TRAT1: variants seen among roughly 807,000 people sequenced by gnomAD.
TRAT1 encodes the protein T-cell receptor-associated transmembrane adapter 1.
A neutral mutation model predicts 20.0 loss-of-function variants in TRAT1; 20 were observed. The observed-to-expected ratio is 1.00, with a 90% CI of 0.70 to 1.45. The LOEUF is 1.45. TRAT1 is among the 40% of genes most tolerant of loss of function. The pLI is 0.00. For missense variants in TRAT1, 237 were observed against 224.1 expected (o/e 1.06, Z -0.37); for synonymous variants, 77 against 74.2 (o/e 1.04, Z -0.20).
chr3:108,852,291 G>A (rs953417207), intron 5 of TRAT1, among the ~76,000 whole-genome samples: 1 of 152,148 alleles, frequency 6.6e-6, no homozygotes, highest in Non-Finnish European at 1.5e-5. Context: ...TGAGGCAGGA[G>A]AATCACTTGA....
At chr3:108,829,874 A>G (rs538237550) in intron 1 of TRAT1, among the ~76,000 whole-genome samples, 6 of 152,326 alleles carry the variant, frequency 3.9e-5, no homozygotes, top group African/African-American at 1.4e-4. Context: ...TGTATTTACT[A>G]TACTATGCTT....
Position 108,854,046 on chromosome 3 carries a change from T to G in TRAT1, c.*169T>G. 1 of 570,376 alleles carries G rather than the reference T, an allele frequency of 1.8e-6. No homozygotes were observed. The allele number at this position is 570,376 out of a possible 1,614,324, so 35.3% of individuals were successfully genotyped here. Reference sequence around the variant, plus strand: ...ACAGCTTACACTTATGCATGCCAAATGTAAGGCCATGAAAATCAGTATTTC... The same window carrying G: ...ACAGCTTACACTTATGCATGCCAAAGGTAAGGCCATGAAAATCAGTATTTC... On this transcript the variant is annotated 3_prime_UTR_variant, in exon 6 of 6. Coordinates refer to ENST00000295756, the MANE Select transcript of TRAT1 (RefSeq NM_016388.4).
At chr3:108,845,399 G>C (rs1945933786) in intron 3 of TRAT1, among the ~76,000 whole-genome samples, 1 of 152,184 alleles carries the variant, frequency 6.6e-6, no homozygotes, top group Non-Finnish European at 1.5e-5. Context: ...TGGATGGATT[G>C]TCTTATTAAA....
At chr3:108,822,975 A>G (rs1298010710) in intron 1 of TRAT1, 41 bp downstream of exon 1, 1 of 1,591,580 alleles carries the variant, frequency 6.3e-7, no homozygotes, top group East Asian at 2.2e-5. Flanking sequence ...TTGTGTGTCT[A>G]AAAATTCACT....
intron 5 of TRAT1, among the ~76,000 whole-genome samples, chr3:108,852,015 T>C (rs1468949160): frequency 6.6e-6 from 1 of 152,188 alleles, no homozygotes; most frequent in Non-Finnish European, 1.5e-5. Flanking sequence ...GTTAGGCAGC[T>C]ATTACAATTT....
intron 3 of TRAT1, among the ~76,000 whole-genome samples, chr3:108,845,759 A>G (rs1300508146): frequency 6.6e-6 from 1 of 151,812 alleles, no homozygotes; most frequent in East Asian, 1.9e-4. Flanking sequence ...ATGTAATCTC[A>G]AAGTTAAAGC....
intron 2 of TRAT1, among the ~76,000 whole-genome samples, chr3:108,833,008 G>T (rs1054020657): frequency 6.6e-6 from 1 of 152,152 alleles, no homozygotes; most frequent in Non-Finnish European, 1.5e-5. Context: ...TTGGTAGTTT[G>T]TGCATTGGGA....
Position 108,854,584 on chromosome 3 carries a change from A to T in TRAT1, c.*707A>T, listed in dbSNP as rs1286762625. 6.6e-6 allele frequency: 1 copy of T among 152,120 alleles called. No individual in the cohort carries two copies. The highest frequency in any genetic ancestry group is 2.4e-5 in the African/African-American group (1 of 41,448). The allele number at this position is 152,120 out of a possible 1,614,324, so 9.4% of individuals were successfully genotyped here. On this transcript the variant is annotated 3_prime_UTR_variant, in exon 6 of 6. Coordinates refer to ENST00000295756, the MANE Select transcript of TRAT1 (RefSeq NM_016388.4). ...CTGGGCATGCTTATGTATGTACATC[A>T]GTTGTTTCTTTTTATTTTGAACCAA...
intron 1 of TRAT1, among the ~76,000 whole-genome samples, chr3:108,828,651 T>C (rs1368370143): frequency 1.3e-5 from 2 of 152,074 alleles, no homozygotes; most frequent in East Asian, 3.9e-4. Context: ...CAATGAAGAG[T>C]TTCATATGGC....
chr3:108,830,775 G>A lies in TRAT1; in HGVS notation c.113G>A (p.Arg38Gln), dbSNP rs61756221. 3,066 of 1,601,376 alleles carry A rather than the reference G, an allele frequency of 1.9e-3. 4 individuals are homozygous for A. Among genetic ancestry groups the A allele is most frequent in the Non-Finnish European group, 2.2e-3 (2,595 of 1,168,550 alleles). ...ATTTCCCACTATGTGGAAAAGCAAC[G>A]ACAAGGTAAGACATTTTGACAAATT... The part of the protein sequence containing the change: ...FNISHYVEKQ[R>Q]QDKMYSYSSD... The change falls in exon 2 of 6, where the codon CGA (arginine) becomes CAA (glutamine). Residue 38 changes from arginine (R) to glutamine (Q), a missense_variant. Transcript: ENST00000295756.
rs115648926 is a variant in TRAT1 at position 108,853,544 on chromosome 3, C to T, written c.304-76C>T. ...CCTAGAAAACAAGTTACTTGGTTTT[C>T]ATACGCCACAGAAATTTCCAGAAGT... On this transcript the variant is annotated intron_variant, in intron 5 of 5. Coordinates refer to ENST00000295756, the MANE Select transcript of TRAT1 (RefSeq NM_016388.4). The T allele has an allele frequency of 2.2e-3, 3,397 of 1,522,154 alleles. 57 individuals are homozygous for T. The African/African-American group carries it at 0.039, about 18-fold the overall frequency. The allele number at this position is 1,522,154 out of a possible 1,614,324, so 94.3% of individuals were successfully genotyped here.
intron 2 of TRAT1, among the ~76,000 whole-genome samples, chr3:108,836,609 A>G (rs1225328747): frequency 6.6e-6 from 1 of 152,206 alleles, no homozygotes; most frequent in Non-Finnish European, 1.5e-5. Context: ...AATGAGTGCA[A>G]TTAATTTCTG....
At chr3:108,832,415 CAT>C (rs1376635291) in intron 2 of TRAT1, among the ~76,000 whole-genome samples, 1 of 152,164 alleles carries the variant, frequency 6.6e-6, no homozygotes, top group African/African-American at 2.4e-5. Flanking sequence ...TTCAAATAAA[CAT>C]AAACTATATA....
intron 2 of TRAT1, among the ~76,000 whole-genome samples, chr3:108,831,100 C>G (rs1945787912): frequency 6.6e-6 from 1 of 152,146 alleles, no homozygotes; most frequent in Non-Finnish European, 1.5e-5. Flanking sequence ...GGGCAGCCAT[C>G]AAGGTTCTCT....
chr3:108,825,685 A>G (rs1024936826), intron 1 of TRAT1, among the ~76,000 whole-genome samples: 5 of 152,184 alleles, frequency 3.3e-5, no homozygotes, highest in Non-Finnish European at 2.9e-5. Flanking sequence ...AATGTCCCCA[A>G]GTTGCTAGTG....
In TRAT1 at chr3:108,844,826, A is replaced by G. The variant is rs557664928; in HGVS notation, c.153-2242A>G. On this transcript the variant is annotated intron_variant, in intron 3 of 5. Coordinates refer to ENST00000295756, the MANE Select transcript of TRAT1 (RefSeq NM_016388.4). The stretch of plus-strand genomic sequence containing the variant: ...GCCACTGCACTCCAGCCTGGGTGAC[A>G]GAGAGAGACTCTGTCTCAAAAAAAA... 2.2e-5 allele frequency among the ~76,000 whole-genome samples: 3 copies of G among 134,134 alleles called. No homozygotes were observed. The South Asian group carries it at 7.2e-4, about 32-fold the overall frequency. The allele number at this position is 134,134 out of a possible 152,430, so 88.0% of individuals were successfully genotyped here.
rs1191317949 is a variant in TRAT1 at position 108,830,697 on chromosome 3, G to A, written c.35G>A (p.Trp12Ter). Residue 12 changes from tryptophan to a stop codon, truncating the protein, a stop_gained, in exon 2 of 6, where the codon TGG (tryptophan) becomes TAG (stop). Transcript: ENST00000295756. LOFTEE classifies it high-confidence loss of function. ...ATCTCTGGGTGCCCCTTTTTCCTCT[G>A]GGGACTTCTAGCATTGTTGGGCTTG... ...SGISGCPFFL[W>*]GLLALLGLAL... 1 of 1,613,114 alleles carries A rather than the reference G, an allele frequency of 6.2e-7. No homozygotes were observed. The highest frequency in any genetic ancestry group is 8.5e-7 in the Non-Finnish European group (1 of 1,179,370).
intron 2 of TRAT1, among the ~76,000 whole-genome samples, chr3:108,836,951 C>T (rs1424874043): frequency 6.6e-6 from 1 of 152,132 alleles, no homozygotes; most frequent in Non-Finnish European, 1.5e-5. Flanking sequence ...TAATTAGTGG[C>T]CTGAGTGTAA....
intron 1 of TRAT1, among the ~76,000 whole-genome samples, chr3:108,827,055 T>C (rs1289342704): frequency 1.3e-5 from 2 of 152,204 alleles, no homozygotes; most frequent in African/African-American, 2.4e-5. Flanking sequence ...AGTTGGAAGC[T>C]GGAGAGAAAC....
Sources: gnomAD v4.1 joint callset for allele counts (sites outside exome capture counted in the v4.1 genomes callset) on GRCh38, gnomAD v4.1.1 for gene constraint, MANE v1.5 for transcripts, NCBI Gene and HGNC (gene_info 2026-07-23, HGNC 2026-07-21) for gene names.